SLC39A11: variants seen among roughly 807,000 people sequenced by gnomAD.
The protein encoded by SLC39A11 is solute carrier family 39 member 11.
In SLC39A11, 33 loss-of-function variants were observed where a neutral mutation model predicts 36.1. The observed-to-expected ratio is 0.91, with a 90% CI of 0.69 to 1.22. The LOEUF (loss-of-function observed/expected upper bound fraction) is 1.22. Ranked by LOEUF, SLC39A11 falls within the 50% of genes most tolerant of loss-of-function variation. The pLI is 0.00. For missense variants in SLC39A11, 432 were observed against 430.3 expected, an observed-to-expected ratio of 1.00 and a Z score of -0.03; for synonymous variants, 166 against 170.3, an observed-to-expected ratio of 0.97 and a Z score of 0.20.
chr17:72,741,508 G>T (rs2144111370), intron 6 of SLC39A11, among the ~76,000 whole-genome samples: 1 of 152,206 alleles, frequency 6.6e-6, no homozygotes, highest in South Asian at 2.1e-4. Flanking sequence ...TTCACTGCAG[G>T]TATAAGGCTT....
chr17:72,726,983 A>G (rs1405096927), intron 7 of SLC39A11, among the ~76,000 whole-genome samples: 1 of 152,168 alleles, frequency 6.6e-6, no homozygotes, highest in Non-Finnish European at 1.5e-5. Flanking sequence ...TCCATGGCAC[A>G]CTAAAGTTCG....
At chr17:72,835,394 G>A (rs928922986) in intron 6 of SLC39A11, among the ~76,000 whole-genome samples, 10 of 152,154 alleles carry the variant, frequency 6.6e-5, no homozygotes, top group African/African-American at 2.4e-4. Context: ...GGTAGAGTTT[G>A]GGGGAAGAGG....
At chr17:72,967,854 T>A (rs1358136603) in intron 4 of SLC39A11, among the ~76,000 whole-genome samples, 1 of 152,184 alleles carries the variant, frequency 6.6e-6, no homozygotes, top group Non-Finnish European at 1.5e-5. Context: ...GGTTAATAAC[T>A]GTGCCCAGCC....
intron 7 of SLC39A11, 82 bp from the exon 8 acceptor site, chr17:72,649,350 C>CA: frequency 7.8e-7 from 1 of 1,274,646 alleles, no homozygotes; most frequent in Non-Finnish European, 1.1e-6. Flanking sequence ...AGGCCAAGAC[C>CA]TCCGTGGGTG....
At chr17:72,824,985 C>T (rs570115837) in intron 6 of SLC39A11, among the ~76,000 whole-genome samples, 1 of 151,370 alleles carries the variant, frequency 6.6e-6, no homozygotes, top group African/African-American at 2.4e-5. Flanking sequence ...AAAAGAGAAA[C>T]CCATTTTCTA....
intron 3 of SLC39A11, among the ~76,000 whole-genome samples, chr17:73,033,713 C>T (rs2058814253): frequency 6.6e-6 from 1 of 152,216 alleles, no homozygotes. Flanking sequence ...ATCGCCGACA[C>T]AGAAAATGTT....
intron 5 of SLC39A11, among the ~76,000 whole-genome samples, chr17:72,912,853 G>A (rs372009959): frequency 7.2e-5 from 11 of 152,024 alleles, no homozygotes; most frequent in Admixed American, 6.6e-5. Context: ...CCTGAGCTGC[G>A]CCCCCTTCTT....
intron 4 of SLC39A11, among the ~76,000 whole-genome samples, chr17:72,951,949 C>T (rs1218535327): frequency 1.3e-5 from 2 of 152,044 alleles, no homozygotes; most frequent in East Asian, 1.9e-4. Context: ...TTTATTTCGG[C>T]GTTTTCGGGG....
At chr17:72,911,620 T>G (rs570613606) in intron 5 of SLC39A11, among the ~76,000 whole-genome samples, 2 of 152,066 alleles carry the variant, frequency 1.3e-5, no homozygotes, top group East Asian at 3.9e-4. Context: ...CTGATTCTGA[T>G]TCTTCTGTGA....
At chr17:72,758,625 G>A (rs2075451706) in intron 6 of SLC39A11, among the ~76,000 whole-genome samples, 1 of 152,134 alleles carries the variant, frequency 6.6e-6, no homozygotes, top group South Asian at 2.1e-4. Context: ...TTTCTTGCCT[G>A]GAACACGGGT....
intron 6 of SLC39A11, among the ~76,000 whole-genome samples, chr17:72,787,382 C>G (rs4793485): frequency 0.63 from 94,518 of 150,768 alleles, 30,877 homozygotes; most frequent in Non-Finnish European, 0.74. Flanking sequence ...CTCAGCCTCC[C>G]GAGTAGCTGG....
At chr17:73,051,608 G>A (rs369050804) in intron 3 of SLC39A11, among the ~76,000 whole-genome samples, 1 of 150,526 alleles carries the variant, frequency 6.6e-6, no homozygotes, top group East Asian at 2.0e-4. Flanking sequence ...CTGTAATCCC[G>A]GCACTTTGGG....
At chr17:72,923,195 TGTCATACACTGTGTGGG>T (rs1344060777) in intron 5 of SLC39A11, among the ~76,000 whole-genome samples, 2 of 152,036 alleles carry the variant, frequency 1.3e-5, no homozygotes, top group Middle Eastern at 3.2e-3. Flanking sequence ...CCCTGCACAA[TGTCATACACTGTGTGGG>T]GCTATGGACC....
chr17:73,021,842 A>G (rs1270589338), intron 4 of SLC39A11, among the ~76,000 whole-genome samples: 1 of 152,246 alleles, frequency 6.6e-6, no homozygotes, highest in South Asian at 2.1e-4. Flanking sequence ...GAAGGTTCCA[A>G]CCAAGCCTAT....
At chr17:72,855,952 G>C (rs1025443664) in intron 5 of SLC39A11, among the ~76,000 whole-genome samples, 1 of 150,588 alleles carries the variant, frequency 6.6e-6, no homozygotes, top group Non-Finnish European at 1.5e-5. Context: ...CTGCCTTCTT[G>C]TTTCCCAAAG....
At chr17:72,824,482 C>A (rs542023353) in intron 6 of SLC39A11, among the ~76,000 whole-genome samples, 58 of 151,246 alleles carry the variant, frequency 3.8e-4, no homozygotes, top group Admixed American at 4.6e-4. Flanking sequence ...GGAGTGGGGA[C>A]ATTACTATAA....
chr17:72,793,512 G>A (rs1206088206), intron 6 of SLC39A11, among the ~76,000 whole-genome samples: 1 of 152,156 alleles, frequency 6.6e-6, no homozygotes, highest in African/African-American at 2.4e-5. Context: ...ATTGGATTGC[G>A]TGGAATAGAG....
chr17:73,035,707 T>C (rs1163975212), intron 3 of SLC39A11, among the ~76,000 whole-genome samples: 3 of 151,102 alleles, frequency 2.0e-5, no homozygotes, highest in Non-Finnish European at 4.4e-5. Context: ...CTACTAAAAA[T>C]ACAAAAATTA....
intron 6 of SLC39A11, among the ~76,000 whole-genome samples, chr17:72,809,202 TC>T (rs2077358816): frequency 7.2e-5 from 1 of 13,868 alleles, no homozygotes; most frequent in Admixed American, 8.1e-4. Flanking sequence ...CTTTTCTTTC[TC>T]TCTCTCTCTC....
Sources: allele counts gnomAD v4.1 joint callset (sites outside exome capture counted in the v4.1 genomes callset), GRCh38; gene constraint gnomAD v4.1.1; transcripts MANE v1.5; gene names NCBI Gene and HGNC (gene_info 2026-07-23, HGNC 2026-07-21).